HOOK3: variants seen among roughly 807,000 people sequenced by gnomAD.
HOOK3 encodes protein Hook homolog 3.
HOOK3 carries 24 observed loss-of-function variants against 116.3 expected under a neutral mutation model. The observed-to-expected ratio is 0.21, with a 90% CI of 0.15 to 0.29. HOOK3 has a LOEUF of 0.29. Ranked by LOEUF, HOOK3 falls within the 10% of genes least tolerant of loss-of-function variation. The pLI is 1.00. For missense variants in HOOK3, 632 were observed against 830.2 expected, an observed-to-expected ratio of 0.76 and a Z score of 2.93; for synonymous variants, 275 against 283.0, an observed-to-expected ratio of 0.97 and a Z score of 0.28.
At chr8:42,924,126 G>GT (rs376650935) in intron 2 of HOOK3, among the ~76,000 whole-genome samples, 6,778 of 150,340 alleles carry the variant, frequency 0.045, 265 homozygotes, top group African/African-American at 0.11. Context: ...TTGTCATTCT[G>GT]TTTTTTTTTG....
chr8:43,013,376 T>C lies in HOOK3; in HGVS notation c.1992T>C (p.Tyr664=), dbSNP rs1486996979. ...GTCAGAGAGAGATGGAAGAGAAATA[T>C]ATTGTTAGTGCCTGGTACAATATGG... ...TKSQREMEEK[Y]IVSAWYNMGM... is the part of the protein sequence containing the mutation. The change falls in exon 21 of 22, where the codon TAT becomes TAC. Residue 664 remains tyrosine (Y), a synonymous_variant. Transcript: ENST00000307602. 3 of 1,586,524 alleles carry C rather than the reference T, an allele frequency of 1.9e-6. No individual in the cohort carries two copies. Among genetic ancestry groups the C allele is most frequent in the East Asian group, 4.5e-5 (2 of 44,360 alleles).
At chr8:42,922,651 C>A (rs1271871507) in intron 2 of HOOK3, among the ~76,000 whole-genome samples, 1 of 152,066 alleles carries the variant, frequency 6.6e-6, no homozygotes, top group Non-Finnish European at 1.5e-5. Context: ...CTAATCCCAG[C>A]ATTTTGGGAG....
chr8:42,933,084 A>G (rs1807902412), intron 4 of HOOK3, among the ~76,000 whole-genome samples: 1 of 152,234 alleles, frequency 6.6e-6, no homozygotes, highest in Non-Finnish European at 1.5e-5. Flanking sequence ...TAAGAACTAC[A>G]TTAGGCTATC....
At chr8:42,919,759 G>A (rs1302554823) in intron 2 of HOOK3, among the ~76,000 whole-genome samples, 3 of 152,174 alleles carry the variant, frequency 2.0e-5, no homozygotes, top group African/African-American at 7.2e-5. Context: ...CAGCCAACAC[G>A]GTGAAACCCT....
At chr8:42,938,239 C>A (rs1015593719) in intron 4 of HOOK3, among the ~76,000 whole-genome samples, 6 of 135,288 alleles carry the variant, frequency 4.4e-5, no homozygotes, top group African/African-American at 1.9e-4. Context: ...TTTTGCTTTC[C>A]ATTTGCTTGG....
chr8:43,025,869 A>G lies in HOOK3; in HGVS notation c.*7371A>G. 4.8e-6 allele frequency: 1 copy of G among 210,200 alleles called. No individual in the cohort carries two copies. The highest frequency in any genetic ancestry group is 1.6e-3 in the Middle Eastern group (1 of 634). 13.0% of individuals were successfully genotyped at this position (210,200 alleles called of 1,614,324 possible). On this transcript the variant is annotated 3_prime_UTR_variant, in exon 22 of 22. Transcript: ENST00000307602. ...GTTTTAAATGAAGGCAAAAGTAGAC[A>G]TTTTTAAAGTATATTCAACATTGTG...
intron 17 of HOOK3, among the ~76,000 whole-genome samples, chr8:43,002,603 C>T (rs530294156): frequency 2.0e-5 from 3 of 152,310 alleles, no homozygotes; most frequent in Admixed American, 2.0e-4. Flanking sequence ...CTGGTTTTGG[C>T]CCATGGGCTA....
chr8:42,922,827 C>T (rs1461629219), intron 2 of HOOK3, among the ~76,000 whole-genome samples: 1 of 150,030 alleles, frequency 6.7e-6, no homozygotes, highest in African/African-American at 2.5e-5. Context: ...TTGCAGTGAG[C>T]TGAGATTGTG....
rs375210397 is a variant in HOOK3 at position 42,997,660 on chromosome 8, G to A, written c.1620+23G>A. 6.7e-5 allele frequency: 83 copies of A among 1,230,124 alleles called. No homozygotes were observed. In the African/African-American group the frequency reaches 1.1e-3, roughly 17 times the overall value. 76.2% of individuals were successfully genotyped at this position (1,230,124 alleles called of 1,614,324 possible). A position where few individuals can be genotyped will look rare whatever the true frequency, so the allele number is the denominator to read the frequency against. On this transcript the variant is annotated intron_variant, in intron 16 of 21. Coordinates refer to ENST00000307602, the MANE Select transcript of HOOK3 (RefSeq NM_032410.4). ...GATGTAAGTTTTAATATGTACCAAC[G>A]ATGGTCCATCAGTTTCACAATGTTG...
intron 14 of HOOK3, among the ~76,000 whole-genome samples, chr8:42,985,062 T>C (rs900351248): frequency 6.6e-6 from 1 of 152,178 alleles, no homozygotes; most frequent in African/African-American, 2.4e-5. Context: ...GGGTTAATAT[T>C]TGATACTTTT....
chr8:42,957,826 C>CTT (rs11383704), intron 7 of HOOK3, among the ~76,000 whole-genome samples: 2,005 of 135,268 alleles, frequency 0.015, 30 homozygotes, highest in Non-Finnish European at 0.022. Flanking sequence ...ATATCTCTTC[C>CTT]TTTTTTTTTT....
intron 15 of HOOK3, among the ~76,000 whole-genome samples, chr8:42,995,118 T>C (rs1809240691): frequency 6.6e-6 from 1 of 152,260 alleles, no homozygotes; most frequent in Non-Finnish European, 1.5e-5. Context: ...TTTACCTTGA[T>C]GTGAAAAAGT....
intron 7 of HOOK3, among the ~76,000 whole-genome samples, chr8:42,957,837 T>TA (rs1023330384): frequency 6.6e-6 from 1 of 151,252 alleles, no homozygotes; most frequent in African/African-American, 2.4e-5. Flanking sequence ...TTTTTTTTTT[T>TA]TTTTTTGTTT....
intron 6 of HOOK3, among the ~76,000 whole-genome samples, chr8:42,951,258 A>G (rs186932957): frequency 8.6e-5 from 13 of 150,828 alleles, no homozygotes; most frequent in African/African-American, 2.9e-4. Flanking sequence ...ACAGGGTTTC[A>G]CCATATTGGT....
intron 16 of HOOK3, 117 bp from the exon 17 acceptor site, chr8:43,001,990 C>T (rs1331980380): frequency 4.6e-6 from 3 of 656,124 alleles, no homozygotes; most frequent in Non-Finnish European, 8.0e-6. Context: ...GCTCTTTGAC[C>T]AAACAAATTA....
intron 8 of HOOK3, among the ~76,000 whole-genome samples, chr8:42,960,143 A>G (rs1164634680): frequency 2.6e-5 from 4 of 152,264 alleles, no homozygotes; most frequent in African/African-American, 9.6e-5. Context: ...TAAGCAGAAT[A>G]TAAGTATCTT....
At chr8:42,901,006 T>C (rs1230595600) in intron 1 of HOOK3, among the ~76,000 whole-genome samples, 4 of 152,204 alleles carry the variant, frequency 2.6e-5, no homozygotes, top group African/African-American at 2.4e-5. Flanking sequence ...TTATTTGACA[T>C]TTTGCGCTGG....
intron 2 of HOOK3, among the ~76,000 whole-genome samples, chr8:42,913,105 CT>C (rs34170035): frequency 6.6e-6 from 1 of 150,944 alleles, no homozygotes; most frequent in African/African-American, 2.4e-5. Context: ...GAGCTTCCCA[CT>C]TTTTTTTTCA....
intron 4 of HOOK3, among the ~76,000 whole-genome samples, chr8:42,942,578 T>G (rs747446085): frequency 2.8e-4 from 42 of 152,376 alleles, no homozygotes; most frequent in Admixed American, 1.6e-3. Flanking sequence ...TATAGGATGT[T>G]TAAAATTTTA....
Sources: gnomAD v4.1 joint callset for allele counts (sites outside exome capture counted in the v4.1 genomes callset) on GRCh38, gnomAD v4.1.1 for gene constraint, MANE v1.5 for transcripts, NCBI Gene and HGNC (gene_info 2026-07-23, HGNC 2026-07-21) for gene names.